GRIK2: variants seen among roughly 807,000 people sequenced by gnomAD.
The protein encoded by GRIK2 is glutamate ionotropic receptor kainate type subunit 2.
Under a neutral mutation model 100.3 loss-of-function variants are expected in GRIK2, and 32 were observed. The observed-to-expected ratio is 0.32, with a 90% CI of 0.24 to 0.43. The LOEUF is 0.43. Among genes scored for constraint, GRIK2 ranks in the 20% least tolerant of loss-of-function variants. The pLI is 1.00. For synonymous variants in GRIK2, 417 were observed against 389.4 expected (o/e 1.07, Z -0.83); for missense variants, 843 against 1,114.9 (o/e 0.76, Z 3.47).
intron 7 of GRIK2, among the ~76,000 whole-genome samples, chr6:101,759,867 ATTTAT>A (rs1306758321): frequency 0.018 from 2,651 of 146,952 alleles, 111 homozygotes; most frequent in African/African-American, 0.063. Flanking sequence ...TTATTTTTTT[ATTTAT>A]TTTTATTTTT....
At chr6:101,410,464 A>G (rs1775837885) in intron 2 of GRIK2, among the ~76,000 whole-genome samples, 1 of 151,746 alleles carries the variant, frequency 6.6e-6, no homozygotes, top group East Asian at 1.9e-4. Context: ...TTTTGGTACC[A>G]CCCCTAGACC....
chr6:101,601,120 GTTTTT>G (rs34999814), intron 2 of GRIK2, among the ~76,000 whole-genome samples: 4,379 of 140,352 alleles, frequency 0.031, 199 homozygotes, highest in African/African-American at 0.1. Context: ...AGTTTGTTGA[GTTTTT>G]TTTTTTTTTT....
At chr6:101,888,561 C>A (rs1286322480) in intron 11 of GRIK2, among the ~76,000 whole-genome samples, 1 of 152,142 alleles carries the variant, frequency 6.6e-6, no homozygotes, top group Non-Finnish European at 1.5e-5. Flanking sequence ...TAGCCCCTCT[C>A]AAAGATACTC....
intron 2 of GRIK2, among the ~76,000 whole-genome samples, chr6:101,541,406 A>G (rs988579494): frequency 1.1e-4 from 17 of 149,260 alleles, no homozygotes; most frequent in Non-Finnish European, 1.5e-4. Flanking sequence ...ACACACACAC[A>G]CACACACACA....
In GRIK2 at chr6:101,446,427, AT is replaced by A. The variant is rs532717372; in HGVS notation, c.115+47043del. On this transcript the variant is annotated intron_variant, in intron 2 of 16. Transcript: ENST00000369134. Reference sequence around the variant, plus strand: ...TCCTTATTACGACGATAATAAAATGATTTTTTTTGTTACAATGAATAGATTT... The same window carrying A: ...TCCTTATTACGACGATAATAAAATGATTTTTTTGTTACAATGAATAGATTT... Among the ~76,000 whole-genome samples the A allele has an allele frequency of 3.1e-3, 477 of 151,804 alleles. 1 individual carries two copies. The highest frequency in any genetic ancestry group is 9.7e-3 in the African/African-American group (402 of 41,444).
At chr6:101,533,484 G>T (rs961423923) in intron 2 of GRIK2, among the ~76,000 whole-genome samples, 8 of 151,892 alleles carry the variant, frequency 5.3e-5, no homozygotes, top group Non-Finnish European at 7.4e-5. Context: ...TTGGGAGAAA[G>T]ATTTTTTTTC....
In GRIK2 at chr6:101,869,869, A is replaced by T. The variant is rs571237604; in HGVS notation, c.1524+10376A>T. On this transcript the variant is annotated intron_variant, in intron 11 of 16. Coordinates refer to ENST00000369134, the MANE Select transcript of GRIK2 (RefSeq NM_021956.5). ...TGATTGGTTTTGGGTGTTGTTAGAG[A>T]TCAAAGCTTTTTCTATTGTGCATGC... 2.2e-4 allele frequency among the ~76,000 whole-genome samples: 34 copies of T among 151,898 alleles called. No individual in the cohort carries two copies. In the South Asian group the frequency reaches 4.1e-3, roughly 19 times the overall value.
intron 4 of GRIK2, among the ~76,000 whole-genome samples, chr6:101,664,914 A>T (rs142119902): frequency 1.1e-4 from 17 of 152,310 alleles, no homozygotes; most frequent in African/African-American, 4.1e-4. Context: ...AGTTCTTGTG[A>T]GACTTACTAA....
At chr6:101,789,945 A>T (rs1473681727) in intron 7 of GRIK2, among the ~76,000 whole-genome samples, 7 of 152,084 alleles carry the variant, frequency 4.6e-5, no homozygotes, top group Middle Eastern at 6.8e-3. Context: ...TGGATTCCTA[A>T]GTATTTTATT....
intron 14 of GRIK2, among the ~76,000 whole-genome samples, chr6:101,945,141 CTT>C (rs1791194773): frequency 6.6e-6 from 1 of 151,980 alleles, no homozygotes; most frequent in Non-Finnish European, 1.5e-5. Flanking sequence ...TTTGAAACAA[CTT>C]GGGTATATGG....
At position 102,031,893 on chromosome 6, in the gene GRIK2, G is replaced by A. The variant is rs181646370; in HGVS notation, c.2086-3448G>A. Among the ~76,000 whole-genome samples the A allele has an allele frequency of 4.2e-3, 638 of 150,614 alleles. 5 individuals are homozygous for A. The highest frequency in any genetic ancestry group is 0.015 in the African/African-American group (606 of 40,906). ...CTCTGTGAAAGCAGAAGTTGCACTG[G>A]GAAAAGTTAAACCAACAAGGAAGAC... On this transcript the variant is annotated intron_variant, in intron 14 of 16. Coordinates refer to ENST00000369134, the MANE Select transcript of GRIK2 (RefSeq NM_021956.5).
At chr6:101,920,824 C>A (rs776617218) in intron 12 of GRIK2, among the ~76,000 whole-genome samples, 1 of 150,134 alleles carries the variant, frequency 6.7e-6, no homozygotes, top group Non-Finnish European at 1.5e-5. Flanking sequence ...TGTGAAGAAT[C>A]TTGAATTCCA....
intron 2 of GRIK2, among the ~76,000 whole-genome samples, chr6:101,573,364 G>T (rs1444065321): frequency 6.6e-6 from 1 of 152,160 alleles, no homozygotes; most frequent in African/African-American, 2.4e-5. Context: ...TTCACCTTGA[G>T]CAACCAGGAG....
chr6:102,036,523 A>G (rs1770282420), intron 15 of GRIK2, among the ~76,000 whole-genome samples: 1 of 151,170 alleles, frequency 6.6e-6, no homozygotes, highest in Admixed American at 6.6e-5. Flanking sequence ...TGTAAAAGGG[A>G]GAGTGTAGGG....
intron 2 of GRIK2, among the ~76,000 whole-genome samples, chr6:101,425,444 A>C (rs1197263334): frequency 2.0e-5 from 3 of 152,152 alleles, no homozygotes; most frequent in Non-Finnish European, 4.4e-5. Context: ...AAAACATGGA[A>C]AATTGAGAGA....
chr6:101,872,476 A>C (rs1181227620), intron 11 of GRIK2, among the ~76,000 whole-genome samples: 1 of 151,898 alleles, frequency 6.6e-6, no homozygotes, highest in Non-Finnish European at 1.5e-5. Context: ...TATCATGAGA[A>C]TAGCATGAGG....
intron 14 of GRIK2, among the ~76,000 whole-genome samples, chr6:102,019,775 C>T (rs1208843158): frequency 2.0e-5 from 3 of 151,966 alleles, no homozygotes; most frequent in Non-Finnish European, 2.9e-5. Context: ...GACATATCTA[C>T]TCTTAATCTT....
At chr6:101,674,599 T>G (rs957269791) in intron 4 of GRIK2, among the ~76,000 whole-genome samples, 3 of 152,228 alleles carry the variant, frequency 2.0e-5, no homozygotes, top group Non-Finnish European at 4.4e-5. Flanking sequence ...CAGCTCAATG[T>G]TAACACCTGT....
intron 12 of GRIK2, among the ~76,000 whole-genome samples, chr6:101,919,922 C>A (rs1450555927): frequency 1.3e-5 from 2 of 151,380 alleles, no homozygotes; most frequent in African/African-American, 4.8e-5. Flanking sequence ...AGATGTTTGG[C>A]CAGAATTTGA....
Sources: gnomAD v4.1 joint callset for allele counts (sites outside exome capture counted in the v4.1 genomes callset) on GRCh38, gnomAD v4.1.1 for gene constraint, MANE v1.5 for transcripts, NCBI Gene and HGNC (gene_info 2026-07-23, HGNC 2026-07-21) for gene names.